The following CUBN variants were observed in gnomAD, a reference collection of about 807,000 sequenced individuals.
The protein encoded by CUBN is 460 kDa receptor.
In CUBN, 282 loss-of-function variants were observed where a neutral mutation model predicts 405.3. The ratio of observed to expected loss-of-function variants is 0.70; its 90% CI spans 0.63 to 0.77. The LOEUF (loss-of-function observed/expected upper bound fraction) is 0.77, where lower values mean the gene tolerates loss of function less well. Among genes scored for constraint, CUBN ranks in the 30% least tolerant of loss-of-function variants. The pLI, the probability that CUBN is intolerant of heterozygous loss-of-function variation, is 0.00. For synonymous variants in CUBN, 1,684 were observed against 1,617.0 expected, an observed-to-expected ratio of 1.04 and a Z score of -0.99; for missense variants, 4,514 against 4,475.2, an observed-to-expected ratio of 1.01 and a Z score of -0.25.
chr10:16,946,513 T>TA (rs1164567392), intron 36 of CUBN, among the ~76,000 whole-genome samples: 1 of 139,778 alleles, frequency 7.2e-6, no homozygotes. Flanking sequence ...TTTTTTTTTT[T>TA]AAGATGGAGT....
rs1418917167 is a variant in CUBN, at chr10:17,088,454, G to A, written c.1766-109C>T. On this transcript the variant is annotated intron_variant, in intron 14 of 66. Coordinates refer to ENST00000377833, the MANE Select transcript of CUBN (RefSeq NM_001081.4). ...CCAAACTTTGTTTAAATAACTATGA[G>A]CAGTTTTAGACACCCTCATAAATTA... is the stretch of plus-strand genomic sequence containing the variant. 3.5e-6 allele frequency: 3 copies of A among 848,420 alleles called. No homozygotes were observed. In the East Asian group the frequency reaches 7.9e-5, roughly 22 times the overall value. 52.6% of individuals were successfully genotyped at this position (848,420 alleles called of 1,614,324 possible).
intron 27 of CUBN, among the ~76,000 whole-genome samples, chr10:17,022,692 TTTC>T (rs1834530946): frequency 1.3e-5 from 2 of 152,188 alleles, no homozygotes; most frequent in Non-Finnish European, 2.9e-5. Flanking sequence ...CTTTAGAGTT[TTTC>T]TTAATTCTAG....
At chr10:16,919,932 T>C in intron 44 of CUBN, 31 bp downstream of exon 44, 1 of 1,607,558 alleles carries the variant, frequency 6.2e-7, no homozygotes, top group South Asian at 1.1e-5. Flanking sequence ...TAACTTGGGG[T>C]AGGAAAAAAA....
At position 16,947,275 on chromosome 10, in the gene CUBN, T is replaced by C. The variant is rs779378713; in HGVS notation, c.5302A>G (p.Ile1768Val). 1.2e-6 allele frequency: 2 copies of C among 1,614,030 alleles called. No individual in the cohort carries two copies. Among genetic ancestry groups the C allele is most frequent in the South Asian group, 2.2e-5 (2 of 91,080 alleles). ...YPPNVECVWN[I>V]VSSPGNRLQL... is the part of the protein sequence containing the mutation. ...AGCCGGTTGCCAGGGGAACTGACGA[T>C]GTTCCAGACACATTCCACATTAGGG... Residue 1768 changes from isoleucine (I) to valine (V), a missense_variant, in exon 36 of 67, where the codon ATC becomes GTC. Ile to Val is a conservative substitution (Grantham distance 29, BLOSUM62 3). Transcript: ENST00000377833.
intron 58 of CUBN, among the ~76,000 whole-genome samples, 181 bp downstream of exon 58, chr10:16,874,192 CT>C (rs1289777288): frequency 6.6e-6 from 1 of 152,130 alleles, no homozygotes; most frequent in Non-Finnish European, 1.5e-5. Flanking sequence ...TTACTACCGG[CT>C]TGTGTGGAGA....
intron 28 of CUBN, among the ~76,000 whole-genome samples, chr10:17,014,279 T>C (rs1834264743): frequency 6.6e-6 from 1 of 152,212 alleles, no homozygotes; most frequent in Non-Finnish European, 1.5e-5. Flanking sequence ...CTCTGTGATG[T>C]ATAAAGAAAA....
intron 12 of CUBN, among the ~76,000 whole-genome samples, chr10:17,103,457 T>C (rs1404268218): frequency 6.6e-6 from 1 of 152,208 alleles, no homozygotes; most frequent in Non-Finnish European, 1.5e-5. Context: ...ACCTGCTCCA[T>C]GAACTGCCAT....
At chr10:17,049,382 T>C (rs982081680) in intron 22 of CUBN, among the ~76,000 whole-genome samples, 1 of 152,204 alleles carries the variant, frequency 6.6e-6, no homozygotes, top group Admixed American at 6.5e-5. Context: ...TGTTCTTGCT[T>C]ACTCACTGTA....
chr10:16,984,223 T>C lies in CUBN; in HGVS notation c.4407A>G (p.Arg1469=), dbSNP rs1305108754. Residue 1469 remains arginine (R), a synonymous_variant, in exon 30 of 67, where the codon AGA becomes AGG. Transcript: ENST00000377833. ...SPRIAQLCTQ[R]SPENPMQVSS... is the part of the protein sequence containing the mutation. The stretch of plus-strand genomic sequence containing the variant: ...AGACCTGCATGGGGTTCTCAGGTGA[T>C]CTCTGGGTACACAGTTGGGCTATTC... 2 of 1,614,124 alleles carry C rather than the reference T, an allele frequency of 1.2e-6. No homozygotes were observed. Among genetic ancestry groups the C allele is most frequent in the South Asian group, 1.1e-5 (1 of 91,076 alleles).
chr10:16,984,303 G>T lies in CUBN; in HGVS notation c.4351-24C>A, dbSNP rs374047958. On this transcript the variant is annotated intron_variant, in intron 29 of 66. Coordinates refer to ENST00000377833, the MANE Select transcript of CUBN (RefSeq NM_001081.4). ...ATCTAACATGGGATGTAGGAAAAAA[G>T]ACTTTAAAAAATATTTTAAGCAATT... 5 of 1,611,362 alleles carry T rather than the reference G, an allele frequency of 3.1e-6. No individual in the cohort carries two copies. The African/African-American group carries it at 5.3e-5, about 17-fold the overall frequency.
chr10:17,045,915 A>G lies in CUBN; in HGVS notation c.3490+19T>C, dbSNP rs765661761. 1 of 1,613,344 alleles carries G rather than the reference A, an allele frequency of 6.2e-7. No homozygotes were observed. The highest frequency in any genetic ancestry group is 1.1e-5 in the South Asian group (1 of 91,076). ...ATCAGATTGGCTTCTCCAGTAAAAG[A>G]CAGCTCTTTGCTATTTACCTGTTGA... On this transcript the variant is annotated intron_variant, in intron 24 of 66. Coordinates refer to ENST00000377833, the MANE Select transcript of CUBN (RefSeq NM_001081.4).
chr10:16,855,082 C>G (rs1304438961), intron 59 of CUBN, among the ~76,000 whole-genome samples: 1 of 105,166 alleles, frequency 9.5e-6, no homozygotes, highest in South Asian at 4.3e-4. Context: ...CCCCTCCCCT[C>G]CCCTCCCTCC....
rs1428533879 is a variant in CUBN at position 16,902,296 on chromosome 10, TTG to T, written c.8063-839_8063-838del. Among the ~76,000 whole-genome samples, 3 of 141,156 alleles carry T rather than the reference TTG, an allele frequency of 2.1e-5. No individual in the cohort carries two copies. The East Asian group carries it at 6.0e-4, about 28-fold the overall frequency. The allele number at this position is 141,156 out of a possible 152,430, so 92.6% of individuals were successfully genotyped here. ...TTGTATATATATAGTACATATATAT[TTG>T]TGTATATATAGTATATATATTTGTA... On this transcript the variant is annotated intron_variant, in intron 51 of 66. Transcript: ENST00000377833.
chr10:17,108,519 C>G (rs4748354), intron 10 of CUBN, among the ~76,000 whole-genome samples: 1 of 152,106 alleles, frequency 6.6e-6, no homozygotes, highest in South Asian at 2.1e-4. Flanking sequence ...AGAAATGGAA[C>G]TGGGTCCACT....
intron 53 of CUBN, among the ~76,000 whole-genome samples, chr10:16,899,705 G>T (rs1462500048): frequency 3.3e-5 from 5 of 152,064 alleles, no homozygotes; most frequent in Admixed American, 3.3e-4. Flanking sequence ...TAGATTCAAA[G>T]GAAGAAAAAT....
intron 17 of CUBN, among the ~76,000 whole-genome samples, chr10:17,080,092 A>G (rs959017627): frequency 2.0e-5 from 3 of 152,190 alleles, no homozygotes; most frequent in Admixed American, 6.5e-5. Context: ...AGATTTTACC[A>G]GGGAGTTGAG....
In CUBN at chr10:16,986,447, G is replaced by A. The variant is rs540340631; in HGVS notation, c.4351-2168C>T. Among the ~76,000 whole-genome samples the A allele has an allele frequency of 3.3e-5, 5 of 152,290 alleles. No individual in the cohort carries two copies. The East Asian group carries it at 9.7e-4, about 29-fold the overall frequency. On this transcript the variant is annotated intron_variant, in intron 29 of 66. Coordinates refer to ENST00000377833, the MANE Select transcript of CUBN (RefSeq NM_001081.4). ...GGAGTGTGTGATTTGAATCTATAAT[G>A]ATTTCTTTGTCTGATTAATTCCCCC...
At chr10:17,117,977 CTTTAT>C (rs1836945636) in intron 6 of CUBN, among the ~76,000 whole-genome samples, 1 of 152,130 alleles carries the variant, frequency 6.6e-6, no homozygotes. Flanking sequence ...AGAAGATTGT[CTTTAT>C]TTTATCACTA....
intron 28 of CUBN, among the ~76,000 whole-genome samples, chr10:17,008,592 C>A (rs1485333171): frequency 6.6e-6 from 1 of 151,958 alleles, no homozygotes; most frequent in Non-Finnish European, 1.5e-5. Flanking sequence ...ATCACAGGGT[C>A]TTTCTTCTAC....
Sources: allele counts gnomAD v4.1 joint callset (sites outside exome capture counted in the v4.1 genomes callset), GRCh38; gene constraint gnomAD v4.1.1; transcripts MANE v1.5; gene names NCBI Gene and HGNC (gene_info 2026-07-23, HGNC 2026-07-21).